THSD7B: variants seen among roughly 807,000 people sequenced by gnomAD.
The protein encoded by THSD7B is thrombospondin type-1 domain-containing protein 7B.
Under a neutral mutation model 213.6 loss-of-function variants are expected in THSD7B, and 138 were observed. The observed-to-expected ratio is 0.65, with a 90% CI of 0.56 to 0.74. The LOEUF (loss-of-function observed/expected upper bound fraction) is 0.74, where lower values mean the gene tolerates loss of function less well. THSD7B is among the 30% of genes least tolerant of loss of function. The pLI, the probability that THSD7B is intolerant of heterozygous loss-of-function variation, is 0.00. For missense variants in THSD7B, 1,931 were observed against 1,991.5 expected (o/e 0.97, Z 0.58); for synonymous variants, 742 against 687.0 (o/e 1.08, Z -1.25).
intron 3 of THSD7B, among the ~76,000 whole-genome samples, chr2:137,063,764 G>A (rs1181440151): frequency 6.6e-6 from 1 of 152,024 alleles, no homozygotes; most frequent in Non-Finnish European, 1.5e-5. Context: ...AGGTAAGTGA[G>A]AACATGCAAA....
At chr2:136,970,839 T>C (rs1425271445) in intron 2 of THSD7B, among the ~76,000 whole-genome samples, 3 of 152,106 alleles carry the variant, frequency 2.0e-5, no homozygotes, top group African/African-American at 7.2e-5. Context: ...TACAAAGCAA[T>C]GGGAATAAAG....
At chr2:137,306,786 G>T (rs1031088401) in intron 12 of THSD7B, among the ~76,000 whole-genome samples, 1 of 151,460 alleles carries the variant, frequency 6.6e-6, no homozygotes, top group Admixed American at 6.6e-5. Flanking sequence ...TTTTTGCCCA[G>T]GTATGATTTT....
At chr2:136,974,046 A>T (rs924336723) in intron 2 of THSD7B, among the ~76,000 whole-genome samples, 1 of 152,196 alleles carries the variant, frequency 6.6e-6, no homozygotes, top group East Asian at 1.9e-4. Flanking sequence ...CATTTAATGA[A>T]TGTTCATCTG....
At chr2:137,599,336 G>A (rs1254359270) in intron 17 of THSD7B, among the ~76,000 whole-genome samples, 3 of 152,046 alleles carry the variant, frequency 2.0e-5, no homozygotes, top group Non-Finnish European at 4.4e-5. Context: ...TAATGCCACA[G>A]ACACTTCTCA....
At chr2:136,904,812 A>AAGAGAG (rs5834524) in intron 2 of THSD7B, among the ~76,000 whole-genome samples, 8 of 151,950 alleles carry the variant, frequency 5.3e-5, no homozygotes, top group Admixed American at 5.2e-4. Context: ...AGAATAAAAA[A>AAGAGAG]AGAGAGAGAA....
chr2:137,448,061 A>G (rs1329824831), intron 14 of THSD7B, among the ~76,000 whole-genome samples: 1 of 152,174 alleles, frequency 6.6e-6, no homozygotes, highest in Non-Finnish European at 1.5e-5. Flanking sequence ...TAGAAGTTTG[A>G]AAATAGGTGG....
chr2:137,454,230 GT>G (rs1163972408), intron 15 of THSD7B, among the ~76,000 whole-genome samples: 3 of 152,180 alleles, frequency 2.0e-5, no homozygotes, highest in Non-Finnish European at 4.4e-5. Context: ...CACCAAATGT[GT>G]ATAAGGAATC....
intron 4 of THSD7B, among the ~76,000 whole-genome samples, chr2:137,107,052 A>G (rs976062318): frequency 6.6e-6 from 1 of 152,190 alleles, no homozygotes; most frequent in South Asian, 2.1e-4. Context: ...TATATACCCT[A>G]AGGATTATAA....
intron 2 of THSD7B, among the ~76,000 whole-genome samples, chr2:136,946,796 T>C (rs561803952): frequency 1.0e-3 from 154 of 152,350 alleles, no homozygotes; most frequent in African/African-American, 3.2e-3. Flanking sequence ...GAGCCTTGCA[T>C]AGGATATAAT....
intron 20 of THSD7B, among the ~76,000 whole-genome samples, chr2:137,635,114 G>A (rs1479844692): frequency 6.6e-6 from 1 of 152,128 alleles, no homozygotes; most frequent in Non-Finnish European, 1.5e-5. Context: ...TCAGAGAGGA[G>A]AATTACTAGC....
chr2:137,204,498 A>C (rs1257713961), intron 7 of THSD7B, among the ~76,000 whole-genome samples: 2 of 152,098 alleles, frequency 1.3e-5, no homozygotes, highest in Admixed American at 1.3e-4. Flanking sequence ...TGTGATTGAG[A>C]TCTGAGATTA....
intron 26 of THSD7B, among the ~76,000 whole-genome samples, chr2:137,664,670 A>AT (rs998252095): frequency 2.5e-4 from 38 of 152,294 alleles, no homozygotes; most frequent in African/African-American, 8.9e-4. Context: ...GTGCAGGTTA[A>AT]TTTTATCAGT....
chr2:137,281,942 T>C (rs945205136), intron 12 of THSD7B, among the ~76,000 whole-genome samples: 1 of 152,152 alleles, frequency 6.6e-6, no homozygotes, highest in African/African-American at 2.4e-5. Flanking sequence ...CTGGGTCAAA[T>C]GGTATTTCTA....
intron 12 of THSD7B, among the ~76,000 whole-genome samples, chr2:137,276,574 A>C (rs1304031117): frequency 6.6e-6 from 1 of 152,124 alleles, no homozygotes; most frequent in African/African-American, 2.4e-5. Context: ...CCTGAGTAGA[A>C]CTGCTTTTTA....
At chr2:137,472,861 AT>A (rs1156720179) in intron 15 of THSD7B, among the ~76,000 whole-genome samples, 1 of 152,106 alleles carries the variant, frequency 6.6e-6, no homozygotes, top group Admixed American at 6.5e-5. Context: ...TCTATGCATT[AT>A]TTTCTGACAT....
intron 12 of THSD7B, among the ~76,000 whole-genome samples, chr2:137,283,070 C>T (rs188064995): frequency 1.1e-3 from 168 of 152,220 alleles, no homozygotes; most frequent in African/African-American, 3.8e-3. Context: ...TTTGTAGCCT[C>T]TTTTATTTCA....
chr2:137,583,206 T>C (rs1200574533), intron 17 of THSD7B, among the ~76,000 whole-genome samples: 1 of 152,202 alleles, frequency 6.6e-6, no homozygotes, highest in Non-Finnish European at 1.5e-5. Flanking sequence ...TCTTGTAAAT[T>C]TGTTTGAGTT....
intron 6 of THSD7B, among the ~76,000 whole-genome samples, chr2:137,167,031 T>C (rs891411625): frequency 2.0e-5 from 3 of 152,032 alleles, no homozygotes; most frequent in Non-Finnish European, 4.4e-5. Context: ...TTCTAAAGGG[T>C]TAGGATTGAA....
chr2:137,242,846 T>C lies in THSD7B; in HGVS notation c.2266+274T>C, dbSNP rs960257285. ...TTCTACTGACCCCGTTGTGGCATTT[T>C]GAACAGTCATTCCCATGTGATTCCT... On this transcript the variant is annotated intron_variant, in intron 10 of 27. Transcript: ENST00000409968. 2.0e-5 allele frequency among the ~76,000 whole-genome samples: 3 copies of C among 152,194 alleles called. No individual in the cohort carries two copies. In the East Asian group the frequency reaches 5.8e-4, roughly 29 times the overall value.
Sources: allele counts gnomAD v4.1 joint callset (sites outside exome capture counted in the v4.1 genomes callset), GRCh38; gene constraint gnomAD v4.1.1; transcripts MANE v1.5; gene names NCBI Gene and HGNC (gene_info 2026-07-23, HGNC 2026-07-21).